The following CAPZB variants were observed in gnomAD, a reference collection of about 807,000 sequenced individuals.
The protein encoded by CAPZB is F-actin-capping protein subunit beta.
A neutral mutation model predicts 38.1 loss-of-function variants in CAPZB; 2 were observed. That is an observed-to-expected ratio of 0.05 (90% confidence interval 0.02 to 0.17). The LOEUF is 0.17. Ranked by LOEUF, CAPZB falls within the 10% of genes least tolerant of loss-of-function variation. The probability of loss-of-function intolerance (pLI) is 1.00; values close to 1 mark genes in which losing one functional copy is unlikely to be tolerated. For missense variants in CAPZB, 161 were observed against 334.2 expected (o/e 0.48, Z 4.04); for synonymous variants, 107 against 127.4 (o/e 0.84, Z 1.08).
intron 3 of CAPZB, among the ~76,000 whole-genome samples, chr1:19,384,300 G>A (rs12136926): frequency 0.3 from 45,812 of 151,656 alleles, 7,057 homozygotes; most frequent in African/African-American, 0.36. Context: ...CTCCATCCTG[G>A]TGAGCTCATC....
At chr1:19,355,930 A>T (rs965316371) in intron 6 of CAPZB, among the ~76,000 whole-genome samples, 3 of 152,170 alleles carry the variant, frequency 2.0e-5, no homozygotes, top group Non-Finnish European at 4.4e-5. Context: ...CTAAGGTAGA[A>T]GGGCGGGCAA....
chr1:19,351,765 G>C (rs1332983319), intron 6 of CAPZB, among the ~76,000 whole-genome samples: 1 of 152,086 alleles, frequency 6.6e-6, no homozygotes, highest in Non-Finnish European at 1.5e-5. Context: ...TCCTTTACCA[G>C]AAAACTGAAG....
At chr1:19,346,354 T>C (rs2093960317) in intron 6 of CAPZB, among the ~76,000 whole-genome samples, 1 of 149,778 alleles carries the variant, frequency 6.7e-6, no homozygotes, top group Admixed American at 6.7e-5. Flanking sequence ...TGCAGTACTC[T>C]AAGGCTAAGC....
chr1:19,353,191 G>A lies in CAPZB; in HGVS notation c.588+3444C>T, dbSNP rs562361269. ...CTTGCTGAGGGTGCTGATGCTGGCT[G>A]GGATGGCTCTTGGGGCTAGGGCCTG... On this transcript the variant is annotated intron_variant, in intron 6 of 8. Transcript: ENST00000264202. Among the ~76,000 whole-genome samples the A allele has an allele frequency of 3.3e-5, 5 of 152,356 alleles. No individual in the cohort carries two copies. The South Asian group carries it at 8.3e-4, about 25-fold the overall frequency.
chr1:19,465,293 A>G (rs2094565387), intron 1 of CAPZB, among the ~76,000 whole-genome samples: 1 of 152,136 alleles, frequency 6.6e-6, no homozygotes, highest in Non-Finnish European at 1.5e-5. Flanking sequence ...TGCCCCTATA[A>G]GAGGCCCAGG....
At chr1:19,459,521 C>G (rs573656450) in intron 1 of CAPZB, among the ~76,000 whole-genome samples, 29 of 152,242 alleles carry the variant, frequency 1.9e-4, no homozygotes, top group African/African-American at 6.0e-4. Context: ...TCTCAGCCCC[C>G]ACACCTGGGG....
At chr1:19,428,045 G>A (rs1327296737) in intron 1 of CAPZB, among the ~76,000 whole-genome samples, 1 of 152,246 alleles carries the variant, frequency 6.6e-6, no homozygotes, top group Admixed American at 6.5e-5. Flanking sequence ...TGACCCACCA[G>A]CCAGAATGGG....
intron 2 of CAPZB, among the ~76,000 whole-genome samples, chr1:19,399,360 C>T (rs928824995): frequency 3.9e-5 from 6 of 152,154 alleles, no homozygotes; most frequent in Admixed American, 2.0e-4. Context: ...AATACGAGTA[C>T]GTCATGTGAC....
At chr1:19,389,093 C>T (rs1041663562) in intron 2 of CAPZB, among the ~76,000 whole-genome samples, 25 of 152,128 alleles carry the variant, frequency 1.6e-4, no homozygotes, top group Admixed American at 1.2e-3. Flanking sequence ...ATAACATTTT[C>T]GTTGTCATGG....
chr1:19,349,204 C>T (rs1453880635), intron 6 of CAPZB, among the ~76,000 whole-genome samples: 1 of 152,130 alleles, frequency 6.6e-6, no homozygotes, highest in Non-Finnish European at 1.5e-5. Flanking sequence ...GGGGCTCCAT[C>T]CACCCAGCTT....
chr1:19,342,192 A>G (rs2093932980), intron 8 of CAPZB, among the ~76,000 whole-genome samples: 1 of 152,226 alleles, frequency 6.6e-6, no homozygotes, highest in Admixed American at 6.5e-5. Flanking sequence ...AGGCAGCTCC[A>G]GCAGAGCATC....
At chr1:19,412,484 A>G (rs191505919) in intron 2 of CAPZB, among the ~76,000 whole-genome samples, 75 of 152,270 alleles carry the variant, frequency 4.9e-4, no homozygotes, top group African/African-American at 1.8e-3. Flanking sequence ...GGGTCTAGTT[A>G]TGTTGCCCAG....
In CAPZB at chr1:19,449,029, C is replaced by T. The variant is rs575295289; in HGVS notation, c.4-29279G>A. 1.1e-4 allele frequency: 171 copies of T among 1,509,874 alleles called. 2 individuals are homozygous for T. The South Asian group carries it at 2.1e-3, about 19-fold the overall frequency. The allele number at this position is 1,509,874 out of a possible 1,614,324, so 93.5% of individuals were successfully genotyped here. A position where few individuals can be genotyped will look rare whatever the true frequency, so the allele number is the denominator to read the frequency against. On this transcript the variant is annotated intron_variant, in intron 1 of 8. Coordinates refer to ENST00000264202, the MANE Select transcript of CAPZB (RefSeq NM_004930.5). ...GCTGCCCCAGGCTGCTCGCTGCCCG[C>T]TCCTGACTTCTCCCATCTGGTTTCC...
At chr1:19,475,477 ACCACGG>A (rs2094603752) in intron 1 of CAPZB, among the ~76,000 whole-genome samples, 1 of 150,176 alleles carries the variant, frequency 6.7e-6, no homozygotes, top group Non-Finnish European at 1.5e-5. Context: ...CACGGCTCCC[ACCACGG>A]CCAAACCCTG....
chr1:19,430,204 A>G (rs2094437548), intron 1 of CAPZB, among the ~76,000 whole-genome samples: 2 of 152,056 alleles, frequency 1.3e-5, no homozygotes, highest in South Asian at 4.2e-4. Context: ...GGCAAGGAAA[A>G]TTTCCACGCG....
Position 19,428,522 on chromosome 1 carries a change from GTCTC to G in CAPZB, c.4-8776_4-8773del, listed in dbSNP as rs1558252923. Among the ~76,000 whole-genome samples the G allele has an allele frequency of 2.6e-5, 4 of 152,190 alleles. No homozygotes were observed. The South Asian group carries it at 6.2e-4, about 24-fold the overall frequency. On this transcript the variant is annotated intron_variant, in intron 1 of 8. Transcript: ENST00000264202. ...CCGTGAAAACATAACTGCTTTATGT[GTCTC>G]TCTCTTTTTTCTTTTATAAACAAGT...
chr1:19,424,215 G>A (rs2094413415), intron 1 of CAPZB, among the ~76,000 whole-genome samples: 1 of 152,032 alleles, frequency 6.6e-6, no homozygotes, highest in Admixed American at 6.5e-5. Context: ...CATTTAAGAA[G>A]AGTAGAAGAG....
chr1:19,368,502 A>G (rs1275726190), intron 4 of CAPZB, among the ~76,000 whole-genome samples: 1 of 150,442 alleles, frequency 6.6e-6, no homozygotes, highest in African/African-American at 2.5e-5. Flanking sequence ...TTGGAAAAAA[A>G]AAAAAAAAAA....
At chr1:19,471,603 A>T (rs140486422) in intron 1 of CAPZB, among the ~76,000 whole-genome samples, 2 of 151,856 alleles carry the variant, frequency 1.3e-5, no homozygotes, top group Non-Finnish European at 2.9e-5. Flanking sequence ...TGTGGCTCAC[A>T]CCTGTAATCC....
Sources: allele counts gnomAD v4.1 joint callset (sites outside exome capture counted in the v4.1 genomes callset), GRCh38; gene constraint gnomAD v4.1.1; transcripts MANE v1.5; gene names NCBI Gene and HGNC (gene_info 2026-07-23, HGNC 2026-07-21).